UBE2R2: variants seen among roughly 807,000 people sequenced by gnomAD.
The protein encoded by UBE2R2 is ubiquitin conjugating enzyme E2 R2.
A neutral mutation model predicts 27.8 loss-of-function variants in UBE2R2; 1 was observed. That is an observed-to-expected ratio of 0.04 (90% CI 0.01 to 0.17). The LOEUF (loss-of-function observed/expected upper bound fraction) is 0.17. Among genes scored for constraint, UBE2R2 ranks in the 10% least tolerant of loss-of-function variants. UBE2R2 has a pLI of 1.00. For synonymous variants in UBE2R2, 106 were observed against 113.3 expected, an observed-to-expected ratio of 0.94 and a Z score of 0.41; for missense variants, 100 against 291.0, an observed-to-expected ratio of 0.34 and a Z score of 4.78.
At chr9:33,818,547 A>T (rs1587418987) in intron 1 of UBE2R2, 1 of 125,612 alleles carries the variant, frequency 8.0e-6, no homozygotes, top group Non-Finnish European at 1.9e-5. Context: ...AAAAAAAAAA[A>T]AAAAAGGGTG....
chr9:33,823,804 A>T (rs986491436), intron 1 of UBE2R2, among the ~76,000 whole-genome samples: 1 of 152,234 alleles, frequency 6.6e-6, no homozygotes, highest in Non-Finnish European at 1.5e-5. Context: ...CAGAGGGTTT[A>T]CTGCCGATGA....
At chr9:33,911,747 G>T (rs1822496853) in intron 3 of UBE2R2, among the ~76,000 whole-genome samples, 1 of 151,840 alleles carries the variant, frequency 6.6e-6, no homozygotes, top group African/African-American at 2.4e-5. Flanking sequence ...TCTTAGTGCT[G>T]AAAAAAATTT....
At chr9:33,818,670 C>T (rs1483749390) in intron 1 of UBE2R2, 2 of 152,150 alleles carry the variant, frequency 1.3e-5, no homozygotes, top group South Asian at 2.1e-4. Flanking sequence ...CCTCACCATG[C>T]CACCAAGTTT....
intron 4 of UBE2R2, among the ~76,000 whole-genome samples, chr9:33,913,383 T>A (rs6476428): frequency 6.6e-6 from 1 of 151,952 alleles, no homozygotes; most frequent in Non-Finnish European, 1.5e-5. Flanking sequence ...CTGGGCCTCC[T>A]GAGTAACTAA....
At chr9:33,880,401 A>T (rs1563998688) in intron 1 of UBE2R2, among the ~76,000 whole-genome samples, 3 of 152,254 alleles carry the variant, frequency 2.0e-5, no homozygotes, top group South Asian at 4.1e-4. Flanking sequence ...ACAGTTACGT[A>T]ATTTCCAAAT....
chr9:33,857,835 T>G (rs1252959763), intron 1 of UBE2R2, among the ~76,000 whole-genome samples: 1 of 152,220 alleles, frequency 6.6e-6, no homozygotes, highest in Non-Finnish European at 1.5e-5. Context: ...CTATAGTTCT[T>G]TGAGAGTTTA....
chr9:33,841,825 T>G (rs1360107600), intron 1 of UBE2R2, among the ~76,000 whole-genome samples: 2 of 152,164 alleles, frequency 1.3e-5, no homozygotes, highest in Non-Finnish European at 2.9e-5. Context: ...TATTACACAG[T>G]AGTCTCAGAA....
At chr9:33,916,360 G>A (rs1207559537) in intron 4 of UBE2R2, among the ~76,000 whole-genome samples, 2 of 152,116 alleles carry the variant, frequency 1.3e-5, no homozygotes, top group East Asian at 1.9e-4. Context: ...AGAGTGGGTC[G>A]TGCAAGACAC....
At chr9:33,871,780 G>A (rs544652322) in intron 1 of UBE2R2, among the ~76,000 whole-genome samples, 6 of 152,222 alleles carry the variant, frequency 3.9e-5, no homozygotes, top group African/African-American at 1.4e-4. Flanking sequence ...GCGTGATCTT[G>A]GCTCACCGCA....
intron 1 of UBE2R2, among the ~76,000 whole-genome samples, chr9:33,841,202 C>T (rs982402434): frequency 4.6e-5 from 7 of 152,100 alleles, no homozygotes; most frequent in African/African-American, 1.7e-4. Flanking sequence ...GATTCAGCCT[C>T]CCGAGTAGCT....
chr9:33,885,961 A>G (rs2130795305), intron 1 of UBE2R2, among the ~76,000 whole-genome samples: 1 of 152,334 alleles, frequency 6.6e-6, no homozygotes, highest in Non-Finnish European at 1.5e-5. Context: ...AAATAGTTTT[A>G]TAAAATGGTT....
chr9:33,891,381 T>C (rs10971767), intron 2 of UBE2R2, among the ~76,000 whole-genome samples: 92,706 of 151,046 alleles, frequency 0.61, 28,575 homozygotes, highest in East Asian at 0.77. Context: ...TGTGGTGGCT[T>C]ACGCCTGTAA....
chr9:33,868,318 C>G (rs1263144102), intron 1 of UBE2R2, among the ~76,000 whole-genome samples: 1 of 152,170 alleles, frequency 6.6e-6, no homozygotes, highest in Non-Finnish European at 1.5e-5. Flanking sequence ...ATAGGGTCAG[C>G]TGTTTTCACT....
intron 1 of UBE2R2, among the ~76,000 whole-genome samples, chr9:33,828,394 CTT>C (rs200771475): frequency 2.7e-4 from 36 of 135,304 alleles, no homozygotes; most frequent in Non-Finnish European, 3.2e-4. Context: ...TCTCTTAAAA[CTT>C]TTTTTTTTTT....
At chr9:33,832,442 G>A (rs1301814040) in intron 1 of UBE2R2, among the ~76,000 whole-genome samples, 1 of 152,018 alleles carries the variant, frequency 6.6e-6, no homozygotes. Flanking sequence ...GGATCACAAG[G>A]TCAGGAGATC....
intron 3 of UBE2R2, among the ~76,000 whole-genome samples, chr9:33,908,874 T>C (rs1344054863): frequency 6.6e-6 from 1 of 152,168 alleles, no homozygotes; most frequent in Non-Finnish European, 1.5e-5. Context: ...CATGCACCTG[T>C]AGTCCCAGCT....
intron 1 of UBE2R2, among the ~76,000 whole-genome samples, chr9:33,832,084 G>A (rs901818472): frequency 1.3e-5 from 2 of 151,142 alleles, no homozygotes; most frequent in Admixed American, 6.6e-5. Context: ...CGAGGTGGGC[G>A]GATCACCTGA....
intron 1 of UBE2R2, among the ~76,000 whole-genome samples, chr9:33,830,451 C>T (rs544382827): frequency 6.6e-6 from 1 of 150,538 alleles, no homozygotes; most frequent in African/African-American, 2.4e-5. Context: ...GCCACTGCGC[C>T]CGGCCTCATA....
rs150519666 is a variant in UBE2R2, at chr9:33,829,873, G to A, written c.177+11939G>A. On this transcript the variant is annotated intron_variant, in intron 1 of 4. Transcript: ENST00000263228. ...TGCAGTGGCACAATCTCGGCTCACCGCAACCTCCGCCTCCTGGGTTTTCAA... is the reference window on the plus strand; with the variant it reads ...TGCAGTGGCACAATCTCGGCTCACCACAACCTCCGCCTCCTGGGTTTTCAA... 8.2e-3 allele frequency among the ~76,000 whole-genome samples: 1,106 copies of A among 134,914 alleles called. 8 individuals carry two copies. The highest frequency in any genetic ancestry group is 9.7e-3 in the Non-Finnish European group (628 of 64,862). 88.5% of individuals were successfully genotyped at this position (134,914 alleles called of 152,430 possible).
Sources: gnomAD v4.1 joint callset for allele counts (sites outside exome capture counted in the v4.1 genomes callset) on GRCh38, gnomAD v4.1.1 for gene constraint, MANE v1.5 for transcripts, NCBI Gene and HGNC (gene_info 2026-07-23, HGNC 2026-07-21) for gene names.